The following TENM2 variants were observed in gnomAD, a reference collection of about 807,000 sequenced individuals.
TENM2 encodes the protein teneurin-2.
TENM2 carries 52 observed loss-of-function variants against 245.2 expected under a neutral mutation model. That is an observed-to-expected ratio of 0.21 (90% CI 0.17 to 0.27). The LOEUF (loss-of-function observed/expected upper bound fraction) is 0.27, where lower values mean the gene tolerates loss of function less well. TENM2 is among the 10% of genes least tolerant of loss of function. The pLI, the probability that TENM2 is intolerant of heterozygous loss-of-function variation, is 1.00. For synonymous variants in TENM2, 1,363 were observed against 1,438.9 expected (o/e 0.95, Z 1.19); for missense variants, 3,046 against 3,666.8 (o/e 0.83, Z 4.37).
At chr5:167,522,829 A>T (rs1770854613) in intron 2 of TENM2, among the ~76,000 whole-genome samples, 1 of 152,120 alleles carries the variant, frequency 6.6e-6, no homozygotes, top group African/African-American at 2.4e-5. Flanking sequence ...TATAAAAAAA[A>T]AAGCAAGTGA....
At chr5:167,708,359 G>A (rs1449937121) in intron 2 of TENM2, among the ~76,000 whole-genome samples, 2 of 151,946 alleles carry the variant, frequency 1.3e-5, no homozygotes, top group East Asian at 3.9e-4. Flanking sequence ...TCACTGTTAG[G>A]GTGAAACTGC....
intron 2 of TENM2, among the ~76,000 whole-genome samples, chr5:167,534,596 AG>A: frequency 6.6e-6 from 1 of 152,330 alleles, no homozygotes; most frequent in Non-Finnish European, 1.5e-5. Context: ...GGAGTGCCAC[AG>A]GAAAGCATTT....
chr5:167,301,787 G>C (rs1755341657), intron 1 of TENM2, among the ~76,000 whole-genome samples: 1 of 152,086 alleles, frequency 6.6e-6, no homozygotes, highest in Admixed American at 6.6e-5. Context: ...CATTAACCTT[G>C]ACTATGCCTT....
chr5:167,076,140 C>T, the TENM2 span, among the ~76,000 whole-genome samples: 1 of 151,998 alleles, frequency 6.6e-6, no homozygotes, highest in Non-Finnish European at 1.5e-5. Context: ...AAAAATCAAC[C>T]TTTTGCTTAA....
chr5:167,682,184 T>C (rs1756776028), intron 2 of TENM2, among the ~76,000 whole-genome samples: 1 of 150,726 alleles, frequency 6.6e-6, no homozygotes, highest in Non-Finnish European at 1.5e-5. Flanking sequence ...CTTCTTTTTT[T>C]CTTTCTTTTG....
the TENM2 span, among the ~76,000 whole-genome samples, chr5:167,015,331 A>G: frequency 1.6e-3 from 242 of 152,290 alleles, no homozygotes; most frequent in Admixed American, 2.7e-3. Flanking sequence ...GGGAACACTT[A>G]TGATCATTTT....
the TENM2 span, among the ~76,000 whole-genome samples, chr5:167,114,779 CTT>C: frequency 6.6e-6 from 1 of 152,148 alleles, no homozygotes; most frequent in African/African-American, 2.4e-5. Flanking sequence ...AGGCCTTTGA[CTT>C]CAGAGAAATT....
chr5:168,046,609 G>C (rs1021548251), intron 5 of TENM2, among the ~76,000 whole-genome samples: 5 of 152,162 alleles, frequency 3.3e-5, no homozygotes, highest in African/African-American at 1.2e-4. Context: ...AGTTTGTTTG[G>C]AGGCCTGGGG....
chr5:168,215,110 A>C (rs761831622), exon 21 of TENM2: 1 of 1,613,884 alleles, frequency 6.2e-7, no homozygotes. Context: ...GTCCGACACC[A>C]ACAGCAGGAG....
chr5:167,139,027 G>A, the TENM2 span, among the ~76,000 whole-genome samples: 1 of 152,184 alleles, frequency 6.6e-6, no homozygotes, highest in African/African-American at 2.4e-5. Context: ...ACCCATGTAA[G>A]GGCTAGTTAC....
At position 168,228,975 on chromosome 5, in the gene TENM2, T is replaced by C. The variant is rs1260937966; in HGVS notation, c.5520+845T>C. Among the ~76,000 whole-genome samples, 5 of 147,806 alleles carry C rather than the reference T, an allele frequency of 3.4e-5. No homozygotes were observed. The South Asian group carries it at 1.0e-3, about 31-fold the overall frequency. On this transcript the variant is annotated intron_variant, in intron 25 of 28. Transcript: ENST00000518659. ...ATTATATGTATACATAATATACATA[T>C]ACGTATACATAATATACATATATAA... is the stretch of plus-strand genomic sequence containing the variant.
the TENM2 span, among the ~76,000 whole-genome samples, chr5:167,020,626 G>A: frequency 6.6e-6 from 1 of 152,288 alleles, no homozygotes; most frequent in Admixed American, 6.5e-5. Context: ...GCAACTGATT[G>A]AACCTTCCTT....
chr5:168,244,435 C>A lies in TENM2; in HGVS notation c.5536C>A (p.Leu1846Ile), dbSNP rs1190892883. Residue 1846 changes from leucine to isoleucine, a missense_variant, in exon 26 of 29, where the codon CTC becomes ATC. Leu to Ile is a conservative substitution (Grantham distance 5). This residue lies in a region of TENM2 where 2,704 missense variants were observed against 3,331.9 expected (regional missense o/e 0.81). Coordinates refer to ENST00000518659, the Ensembl canonical transcript of TENM2. The surrounding 1 kb of genome is among the most constrained non-coding windows in gnomAD (Gnocchi z 4.9). ...GTTTTCCTAGGTCCATGGAAGAAAT[C>A]TCTTGTCCATTGACTATGATCGAAA... The A allele has an allele frequency of 3.9e-6, 6 of 1,555,518 alleles. No homozygotes were observed. Among genetic ancestry groups the A allele is most frequent in the Non-Finnish European group, 5.2e-6 (6 of 1,143,032 alleles).
the TENM2 span, chr5:167,165,163 A>G: frequency 8.5e-5 from 13 of 152,190 alleles, no homozygotes; most frequent in African/African-American, 3.1e-4. Context: ...GTAACCTTCA[A>G]ACTTCAGCGG....
At chr5:167,635,827 G>A (rs1779173390) in intron 2 of TENM2, among the ~76,000 whole-genome samples, 1 of 151,420 alleles carries the variant, frequency 6.6e-6, no homozygotes, top group Admixed American at 6.6e-5. Context: ...TGTATTTTTA[G>A]TAGAGACGGG....
At chr5:167,392,818 A>G (rs116036498) in intron 2 of TENM2, among the ~76,000 whole-genome samples, 1,642 of 152,286 alleles carry the variant, frequency 0.011, 8 homozygotes, top group East Asian at 0.015. Context: ...TTATTTAGTT[A>G]GTTATTGGGC....
intron 2 of TENM2, among the ~76,000 whole-genome samples, chr5:167,420,580 C>T (rs950569299): frequency 6.6e-6 from 1 of 152,170 alleles, no homozygotes; most frequent in Non-Finnish European, 1.5e-5. Flanking sequence ...ATTCTTCCTG[C>T]CTGAAATGTT....
chr5:167,078,893 C>T, the TENM2 span, among the ~76,000 whole-genome samples: 1 of 152,248 alleles, frequency 6.6e-6, no homozygotes, highest in South Asian at 2.1e-4. Context: ...GATCTCTAGA[C>T]AGCACTGCAG....
At chr5:166,982,618 A>G in the TENM2 span, among the ~76,000 whole-genome samples, 1 of 152,054 alleles carries the variant, frequency 6.6e-6, no homozygotes, top group Non-Finnish European at 1.5e-5. Context: ...TGAAAAGCCT[A>G]TGTTATTGTC....
Sources: gnomAD v4.1 joint callset for allele counts (sites outside exome capture counted in the v4.1 genomes callset) on GRCh38, gnomAD v4.1.1 for gene constraint, gnomAD v4.1.1 regional missense constraint, Gnocchi (gnomAD v3.1) non-coding constraint, MANE v1.5 for transcripts, NCBI Gene and HGNC (gene_info 2026-07-23, HGNC 2026-07-21) for gene names.